MOB4: variants seen among roughly 807,000 people sequenced by gnomAD.
MOB4 encodes the protein MOB-like protein phocein.
Under a neutral mutation model 32.2 loss-of-function variants are expected in MOB4, and 4 were observed. That is an observed-to-expected ratio of 0.12 (90% CI 0.06 to 0.28). The LOEUF is 0.28. Ranked by LOEUF, MOB4 falls within the 10% of genes least tolerant of loss-of-function variation. MOB4 has a pLI of 1.00. For missense variants in MOB4, 158 were observed against 271.2 expected (o/e 0.58, Z 2.93); for synonymous variants, 88 against 88.1 (o/e 1.00, Z 0.01).
chr2:197,525,842 G>A (rs1188332522), intron 2 of MOB4, among the ~76,000 whole-genome samples: 2 of 152,096 alleles, frequency 1.3e-5, no homozygotes, highest in Non-Finnish European at 2.9e-5. Context: ...TCTATGCCTA[G>A]AAATTGGTTA....
In MOB4 at chr2:197,519,586, T is replaced by C. The variant is rs991508181; in HGVS notation, c.60+3440T>C. Among the ~76,000 whole-genome samples the C allele has an allele frequency of 6.8e-4, 104 of 152,220 alleles. 1 individual carries two copies. Among genetic ancestry groups the C allele is most frequent in the Non-Finnish European group, 1.3e-4 (9 of 68,038 alleles). On this transcript the variant is annotated intron_variant, in intron 1 of 7. Transcript: ENST00000323303. ...GAATAATGACCAAAAAGAAAGCCGG[T>C]ACATGTTTAGTACATACGCAACTAT...
At chr2:197,528,965 ATT>A (rs781143808) in intron 2 of MOB4, among the ~76,000 whole-genome samples, 4 of 135,768 alleles carry the variant, frequency 2.9e-5, no homozygotes, top group Admixed American at 7.4e-5. Context: ...TCCTTTAGTA[ATT>A]TTTTTTTTTT....
In MOB4 at chr2:197,516,771, A is replaced by G. The variant is rs146696951; in HGVS notation, c.60+625A>G. On this transcript the variant is annotated intron_variant, in intron 1 of 7. Coordinates refer to ENST00000323303, the MANE Select transcript of MOB4 (RefSeq NM_015387.5). The stretch of plus-strand genomic sequence containing the variant: ...ACTTGTTAGATGTCATTCCTTGCTA[A>G]TATGCGTGAAGCATAGTCAGAGAAT... 1.1e-5 allele frequency: 5 copies of G among 471,084 alleles called. No individual in the cohort carries two copies. The East Asian group carries it at 2.1e-4, about 20-fold the overall frequency. The allele number at this position is 471,084 out of a possible 1,614,324, so 29.2% of individuals were successfully genotyped here.
At chr2:197,527,712 T>C (rs988615219) in intron 2 of MOB4, among the ~76,000 whole-genome samples, 4 of 152,230 alleles carry the variant, frequency 2.6e-5, no homozygotes, top group African/African-American at 9.6e-5. Flanking sequence ...CCTTGTCTCA[T>C]TTGGGTTGGA....
At chr2:197,525,709 C>CAAAAAAAAAAAAAAAAAAAAA (rs368659222) in intron 2 of MOB4, among the ~76,000 whole-genome samples, 1 of 64,624 alleles carries the variant, frequency 1.5e-5, no homozygotes. Flanking sequence ...GACCCTATCT[C>CAAAAAAAAAAAAAAAAAAAAA]AAAAAAAAAA....
chr2:197,527,877 T>C (rs2086635105), intron 2 of MOB4, among the ~76,000 whole-genome samples: 2 of 152,354 alleles, frequency 1.3e-5, no homozygotes, highest in South Asian at 2.1e-4. Flanking sequence ...TTTTCTGCAT[T>C]GGTATGATTG....
At chr2:197,520,893 TAAAAAAAAA>T (rs77272123) in intron 1 of MOB4, among the ~76,000 whole-genome samples, 1,278 of 107,886 alleles carry the variant, frequency 0.012, 29 homozygotes, top group African/African-American at 0.042. Flanking sequence ...CCTCGTCTCT[TAAAAAAAAA>T]AAAAAAAAAA....
intron 2 of MOB4, among the ~76,000 whole-genome samples, chr2:197,525,207 CG>C (rs2086589425): frequency 6.6e-6 from 1 of 150,460 alleles, no homozygotes; most frequent in African/African-American, 2.4e-5. Context: ...ATTAGCCGGG[CG>C]TGGTGGTGGG....
At chr2:197,535,945 G>A (rs1307108776) in intron 3 of MOB4, among the ~76,000 whole-genome samples, 3 of 136,978 alleles carry the variant, frequency 2.2e-5, no homozygotes, top group African/African-American at 8.3e-5. Context: ...TCTTGCCCAC[G>A]TTGGAGTGCA....
intron 5 of MOB4, among the ~76,000 whole-genome samples, chr2:197,542,786 T>C (rs2086919272): frequency 6.6e-6 from 1 of 152,214 alleles, no homozygotes; most frequent in Non-Finnish European, 1.5e-5. Context: ...TTTTTGCTGT[T>C]ATAACTGTTA....
At chr2:197,540,562 C>T (rs1559322413) in intron 5 of MOB4, 125 bp downstream of exon 5, 7 of 961,876 alleles carry the variant, frequency 7.3e-6, no homozygotes, top group Non-Finnish European at 8.6e-6. Context: ...TTTTGAGTTG[C>T]TTGTTGTGAA....
In MOB4 at chr2:197,550,655, A is replaced by G. The variant is rs2087082051; in HGVS notation, c.*9A>G. 1 of 1,584,622 alleles carries G rather than the reference A, an allele frequency of 6.3e-7. No homozygotes were observed. Reference sequence around the variant, plus strand: ...GGGAAAGTGAAGCATGAAGGGAATCATAGGAAAAATGTACTGATCATATAA... The same window carrying G: ...GGGAAAGTGAAGCATGAAGGGAATCGTAGGAAAAATGTACTGATCATATAA... On this transcript the variant is annotated 3_prime_UTR_variant, in exon 8 of 8. Coordinates refer to ENST00000323303, the MANE Select transcript of MOB4 (RefSeq NM_015387.5).
intron 5 of MOB4, among the ~76,000 whole-genome samples, chr2:197,544,940 A>G (rs895190795): frequency 7.2e-5 from 11 of 152,202 alleles, no homozygotes; most frequent in Non-Finnish European, 1.3e-4. Flanking sequence ...ACCCCTAAAC[A>G]TTGATGATGG....
chr2:197,541,053 A>G (rs1559322629), intron 5 of MOB4, among the ~76,000 whole-genome samples: 1 of 151,734 alleles, frequency 6.6e-6, no homozygotes, highest in Non-Finnish European at 1.5e-5. Flanking sequence ...GGCATGCGCT[A>G]TCATGCCGGG....
Position 197,550,941 on chromosome 2 carries a change from A to G in MOB4, c.*295A>G, listed in dbSNP as rs188731602. The G allele has an allele frequency of 2.8e-3, 472 of 169,086 alleles. 1 individual carries two copies. Among genetic ancestry groups the G allele is most frequent in the South Asian group, 4.3e-3 (22 of 5,064 alleles). 10.5% of individuals were successfully genotyped at this position (169,086 alleles called of 1,614,324 possible). A position where few individuals can be genotyped will look rare whatever the true frequency, so the allele number is the denominator to read the frequency against. Reference sequence around the variant, plus strand: ...GCTGCTAAACAATCATTGGATCACAATCCTCATCAGACAAACCCATCTGTA... The same window carrying G: ...GCTGCTAAACAATCATTGGATCACAGTCCTCATCAGACAAACCCATCTGTA... On this transcript the variant is annotated 3_prime_UTR_variant, in exon 8 of 8. Transcript: ENST00000323303.
intron 2 of MOB4, among the ~76,000 whole-genome samples, chr2:197,527,996 TG>T (rs1477695075): frequency 2.6e-5 from 4 of 152,200 alleles, no homozygotes; most frequent in Non-Finnish European, 5.9e-5. Flanking sequence ...GATTTATATT[TG>T]TATGGTATTT....
At chr2:197,550,214 C>G in intron 6 of MOB4, 61 bp from the exon 7 acceptor site, 1 of 1,460,620 alleles carries the variant, frequency 6.8e-7, no homozygotes, top group Non-Finnish European at 9.2e-7. Flanking sequence ...AGAAATTGGA[C>G]TATATTGTTC....
chr2:197,537,020 G>T (rs1352164841), intron 3 of MOB4, among the ~76,000 whole-genome samples: 1 of 152,142 alleles, frequency 6.6e-6, no homozygotes, highest in Non-Finnish European at 1.5e-5. Flanking sequence ...GATTATACAG[G>T]CATGAGCCAC....
At chr2:197,549,419 C>G (rs1205012146) in intron 6 of MOB4, among the ~76,000 whole-genome samples, 4 of 151,938 alleles carry the variant, frequency 2.6e-5, no homozygotes, top group African/African-American at 9.7e-5. Context: ...TGATTAGCTT[C>G]AAAGAGCTCA....
Sources: allele counts gnomAD v4.1 joint callset (sites outside exome capture counted in the v4.1 genomes callset), GRCh38; gene constraint gnomAD v4.1.1; transcripts MANE v1.5; gene names NCBI Gene and HGNC (gene_info 2026-07-23, HGNC 2026-07-21).